SPMIP4: variants seen among roughly 807,000 people sequenced by gnomAD.
The protein encoded by SPMIP4 is sperm microtubule inner protein 4, also known as sperm-associated microtubule inner protein 4.
the SPMIP4 span, among the ~76,000 whole-genome samples, chr7:25,133,928 A>T: frequency 6.6e-6 from 1 of 152,184 alleles, no homozygotes; most frequent in African/African-American, 2.4e-5. Flanking sequence ...TATAATACCG[A>T]ATCTCTGGAT....
the SPMIP4 span, among the ~76,000 whole-genome samples, chr7:25,166,577 ACT>A: frequency 6.6e-6 from 1 of 151,142 alleles, no homozygotes; most frequent in Non-Finnish European, 1.5e-5. Flanking sequence ...ACACAGCAAG[ACT>A]CTGTCTCAAA....
the SPMIP4 span, among the ~76,000 whole-genome samples, chr7:25,133,728 CCTCTGTGAACAGTGTACT>C: frequency 6.6e-6 from 1 of 152,128 alleles, no homozygotes; most frequent in African/African-American, 2.4e-5. Flanking sequence ...TGTTAAACCA[CCTCTGTGAACAGTGTACT>C]CTCTGTATCA....
At chr7:25,170,427 A>G in the SPMIP4 span, among the ~76,000 whole-genome samples, 1 of 152,232 alleles carries the variant, frequency 6.6e-6, no homozygotes, top group Non-Finnish European at 1.5e-5. Context: ...TATCCTACAT[A>G]TAAGTCCCTT....
chr7:25,145,232 GGGATTACA>G, the SPMIP4 span, among the ~76,000 whole-genome samples: 90,976 of 151,586 alleles, frequency 0.6, 28,383 homozygotes, highest in Non-Finnish European at 0.69. Flanking sequence ...CCAAAATGCT[GGGATTACA>G]GGCATGAGTC....
chr7:25,168,007 A>C, the SPMIP4 span, among the ~76,000 whole-genome samples: 1 of 152,246 alleles, frequency 6.6e-6, no homozygotes, highest in Non-Finnish European at 1.5e-5. Flanking sequence ...TCTTTGCTCA[A>C]ACAAAAATAT....
the SPMIP4 span, among the ~76,000 whole-genome samples, chr7:25,130,094 C>A: frequency 0.24 from 36,152 of 151,226 alleles, 4,842 homozygotes; most frequent in East Asian, 0.31. Flanking sequence ...AAAAAATTAG[C>A]CCAGTGTGGT....
the SPMIP4 span, chr7:25,168,403 T>A: frequency 6.2e-7 from 1 of 1,612,148 alleles, no homozygotes; most frequent in Non-Finnish European, 8.5e-7. Context: ...TATCCCACCA[T>A]ACTCTCTTTC....
chr7:25,148,152 G>A, the SPMIP4 span, among the ~76,000 whole-genome samples: 100 of 152,310 alleles, frequency 6.6e-4, no homozygotes, highest in Non-Finnish European at 1.3e-3. Context: ...AGGCATTCTT[G>A]TTATGAGTTC....
chr7:25,174,418 C>A, the SPMIP4 span, among the ~76,000 whole-genome samples: 2 of 152,188 alleles, frequency 1.3e-5, no homozygotes, highest in African/African-American at 4.8e-5. This position sits in a 1 kb window ranked among gnomAD's most constrained non-coding sequence, Gnocchi z 4.5. Context: ...GAAAAGGACA[C>A]ATTCCCTATA....
chr7:25,134,606 T>G, the SPMIP4 span: 3 of 886,088 alleles, frequency 3.4e-6, no homozygotes, highest in Admixed American at 6.2e-5. Context: ...ATGTAATTTC[T>G]AACTAATTTC....
At chr7:25,148,072 C>T in the SPMIP4 span, among the ~76,000 whole-genome samples, 29 of 152,132 alleles carry the variant, frequency 1.9e-4, no homozygotes, top group Non-Finnish European at 3.1e-4. Context: ...CCTTCTCCTT[C>T]CCTGGGTAGA....
At chr7:25,161,268 G>A in the SPMIP4 span, 45 of 1,432,858 alleles carry the variant, frequency 3.1e-5, no homozygotes, top group South Asian at 5.7e-4. Flanking sequence ...TTTCTGAAAA[G>A]AAAGAAAAGA....
the SPMIP4 span, among the ~76,000 whole-genome samples, chr7:25,137,303 T>TTC: frequency 1.3e-3 from 17 of 13,194 alleles, no homozygotes; most frequent in African/African-American, 2.7e-3. Flanking sequence ...TGAATTTTCT[T>TTC]TTTTTTTTTT....
At chr7:25,178,644 G>T in the SPMIP4 span, among the ~76,000 whole-genome samples, 1 of 152,244 alleles carries the variant, frequency 6.6e-6, no homozygotes, top group Non-Finnish European at 1.5e-5. Flanking sequence ...TGAATTTGAT[G>T]TGTGGCTTTT....
At chr7:25,146,556 T>C in the SPMIP4 span, among the ~76,000 whole-genome samples, 7 of 152,066 alleles carry the variant, frequency 4.6e-5, no homozygotes, top group Admixed American at 3.3e-4. Context: ...GGAGAGAGAA[T>C]TGTCCCTGGA....
the SPMIP4 span, chr7:25,135,680 T>C: frequency 2.0e-4 from 177 of 901,216 alleles, no homozygotes; most frequent in Middle Eastern, 1.0e-3. Context: ...CATTGCTTTT[T>C]GTGATTTTGG....
At chr7:25,135,488 G>A in the SPMIP4 span, 3 of 985,904 alleles carry the variant, frequency 3.0e-6, no homozygotes. Context: ...TTAACTAGGT[G>A]TTTGGGTTTT....
At chr7:25,157,722 G>C in the SPMIP4 span, among the ~76,000 whole-genome samples, 2 of 152,184 alleles carry the variant, frequency 1.3e-5, no homozygotes, top group Non-Finnish European at 2.9e-5. Context: ...CCTAAGGAGA[G>C]ATGGTGACTG....
the SPMIP4 span, among the ~76,000 whole-genome samples, chr7:25,128,306 A>G: frequency 6.6e-6 from 1 of 152,278 alleles, no homozygotes; most frequent in Non-Finnish European, 1.5e-5. This position sits in a 1 kb window ranked among gnomAD's most constrained non-coding sequence, Gnocchi z 4.5. Flanking sequence ...CTCCATCTTC[A>G]AGTAGGTCCA....
Sources: allele counts gnomAD v4.1 joint callset (sites outside exome capture counted in the v4.1 genomes callset), GRCh38; gene constraint gnomAD v4.1.1; non-coding constraint Gnocchi (gnomAD v3.1); transcripts MANE v1.5; gene names NCBI Gene and HGNC (gene_info 2026-07-23, HGNC 2026-07-21).